SHTN1: variants seen among roughly 807,000 people sequenced by gnomAD.
SHTN1 encodes shootin-1.
SHTN1 carries 42 observed loss-of-function variants against 83.1 expected under a neutral mutation model. That is an observed-to-expected ratio of 0.51 (90% CI 0.39 to 0.65). The LOEUF (loss-of-function observed/expected upper bound fraction) is 0.65, where lower values mean the gene tolerates loss of function less well. Among genes scored for constraint, SHTN1 ranks in the 30% least tolerant of loss-of-function variants. SHTN1 has a pLI of 0.00. For missense variants in SHTN1, 622 were observed against 737.8 expected, an observed-to-expected ratio of 0.84 and a Z score of 1.82; for synonymous variants, 224 against 247.7, an observed-to-expected ratio of 0.90 and a Z score of 0.90.
chr10:116,923,668 G>A (rs1848641900), intron 11 of SHTN1, among the ~76,000 whole-genome samples: 1 of 151,544 alleles, frequency 6.6e-6, no homozygotes, highest in Admixed American at 6.6e-5. Context: ...TGATCTTACT[G>A]CCTCAGCCTT....
intron 4 of SHTN1, among the ~76,000 whole-genome samples, chr10:116,958,400 C>T (rs1002636853): frequency 3.3e-5 from 5 of 152,224 alleles, no homozygotes; most frequent in African/African-American, 1.2e-4. Flanking sequence ...ACTATATGTT[C>T]ATTTTAAAAA....
chr10:116,934,046 G>A (rs1849065647), intron 9 of SHTN1, among the ~76,000 whole-genome samples: 1 of 151,982 alleles, frequency 6.6e-6, no homozygotes, highest in Non-Finnish European at 1.5e-5. Context: ...TAAGTTCCTT[G>A]TAAATTCTGG....
At chr10:116,997,819 G>A (rs895000921) in intron 1 of SHTN1, among the ~76,000 whole-genome samples, 6 of 152,198 alleles carry the variant, frequency 3.9e-5, no homozygotes, top group Admixed American at 1.3e-4. Flanking sequence ...AGGGCCAGGC[G>A]CGATGGCTCA....
intron 1 of SHTN1, among the ~76,000 whole-genome samples, chr10:117,081,352 T>C (rs1161488334): frequency 1.8e-3 from 254 of 142,314 alleles, no homozygotes; most frequent in African/African-American, 6.2e-3. Flanking sequence ...GATTTGCGTA[T>C]ATTGAACCAG....
chr10:116,977,321 G>C (rs1850843438), intron 2 of SHTN1, among the ~76,000 whole-genome samples: 1 of 151,776 alleles, frequency 6.6e-6, no homozygotes, highest in South Asian at 2.1e-4. Flanking sequence ...TTACCTTCTA[G>C]GTTAAGTCAA....
chr10:117,089,058 C>A (rs897973187), intron 1 of SHTN1, among the ~76,000 whole-genome samples: 1 of 152,182 alleles, frequency 6.6e-6, no homozygotes, highest in African/African-American at 2.4e-5. Context: ...TACAGCCCCA[C>A]TAACCCATGG....
intron 11 of SHTN1, among the ~76,000 whole-genome samples, chr10:116,926,456 A>G (rs1043827817): frequency 6.6e-6 from 1 of 152,232 alleles, no homozygotes; most frequent in African/African-American, 2.4e-5. Flanking sequence ...AATTCTTTCA[A>G]TTGACTCTTG....
intron 5 of SHTN1, 75 bp from the exon 6 acceptor site, chr10:116,952,081 G>GA (rs1332598745): frequency 1.5e-6 from 1 of 674,850 alleles, no homozygotes; most frequent in East Asian, 3.2e-5. Context: ...CAAAAGAATT[G>GA]AAAATGCCAG....
Position 116,883,375 on chromosome 10 carries a change from T to TC in SHTN1, c.*2968_*2969insG, listed in dbSNP as rs1200734373. 3 of 152,198 alleles carry TC rather than the reference T, an allele frequency of 2.0e-5. No homozygotes were observed. The highest frequency in any genetic ancestry group is 4.8e-5 in the African/African-American group (2 of 41,462). The allele number at this position is 152,198 out of a possible 1,614,324, so 9.4% of individuals were successfully genotyped here. A position where few individuals can be genotyped will look rare whatever the true frequency, so the allele number is the denominator to read the frequency against. On this transcript the variant is annotated 3_prime_UTR_variant, in exon 17 of 17. Transcript: ENST00000355371. ...ATACCAAATTAAAATGACTGTGGGATAGGGACATGTTAGTGCTTGGAAGAG... is the reference window on the plus strand; with the variant it reads ...ATACCAAATTAAAATGACTGTGGGATCAGGGACATGTTAGTGCTTGGAAGAG...
chr10:117,108,552 T>C (rs1484294477), intron 1 of SHTN1, among the ~76,000 whole-genome samples: 1 of 104,130 alleles, frequency 9.6e-6, no homozygotes, highest in East Asian at 3.3e-4. Flanking sequence ...CACTGGGGCC[T>C]GTCGTGGGGT....
chr10:116,914,832 C>T (rs1848325966), intron 13 of SHTN1, among the ~76,000 whole-genome samples: 1 of 152,152 alleles, frequency 6.6e-6, no homozygotes, highest in South Asian at 2.1e-4. Flanking sequence ...GAGAGTTTTT[C>T]TCCTCGAAGT....
intron 6 of SHTN1, 119 bp from the exon 7 acceptor site, chr10:116,949,116 A>G: frequency 8.8e-7 from 1 of 1,139,460 alleles, no homozygotes; most frequent in Non-Finnish European, 1.2e-6. Flanking sequence ...TTAAAGCAGA[A>G]ATTGGTTTCA....
At position 117,104,539 on chromosome 10, in the gene SHTN1, G is replaced by A. The variant is rs180802685; in HGVS notation, c.-189+21768C>T. Among the ~76,000 whole-genome samples, 747 of 152,276 alleles carry A rather than the reference G, an allele frequency of 4.9e-3. 10 individuals are homozygous for A. Among genetic ancestry groups the A allele is most frequent in the African/African-American group, 0.017 (709 of 41,564 alleles). On this transcript the variant is annotated intron_variant, in intron 1 of 17. Transcript: ENST00000392901. ...TAATCCCAGCACTTTGGGAGGCCGA[G>A]GCAGGCGGATCACGAGGTCAGGAAA...
At chr10:116,925,666 A>G (rs890142333) in intron 11 of SHTN1, among the ~76,000 whole-genome samples, 5 of 152,188 alleles carry the variant, frequency 3.3e-5, no homozygotes, top group Non-Finnish European at 7.3e-5. Context: ...AGCACTTAAT[A>G]GCCTCAACCC....
At chr10:116,994,304 T>C (rs1851550454) in intron 1 of SHTN1, among the ~76,000 whole-genome samples, 2 of 151,904 alleles carry the variant, frequency 1.3e-5, no homozygotes, top group South Asian at 2.1e-4. Flanking sequence ...ATACAGAAAG[T>C]TGAGAAAAGA....
chr10:117,062,597 C>T (rs892970342), intron 1 of SHTN1, among the ~76,000 whole-genome samples: 2 of 152,104 alleles, frequency 1.3e-5, no homozygotes, highest in African/African-American at 4.8e-5. Flanking sequence ...CTCTAAAATG[C>T]ACATAATAAT....
At chr10:116,902,091 G>A in intron 15 of SHTN1, 134 bp from the exon 16 acceptor site, 1 of 743,076 alleles carries the variant, frequency 1.3e-6, no homozygotes, top group Non-Finnish European at 2.1e-6. Flanking sequence ...AGAGCATGCT[G>A]GAAAATGTTG....
chr10:116,939,266 T>C (rs888877699), intron 9 of SHTN1, among the ~76,000 whole-genome samples: 1 of 152,158 alleles, frequency 6.6e-6, no homozygotes, highest in African/African-American at 2.4e-5. Flanking sequence ...CCACCCAGTT[T>C]TGTGCTTGAA....
chr10:117,063,276 A>G (rs1172615392), intron 1 of SHTN1, among the ~76,000 whole-genome samples: 4 of 152,270 alleles, frequency 2.6e-5, no homozygotes, highest in Non-Finnish European at 4.4e-5. Context: ...GAAGAGGAGG[A>G]AAGCCCCCAT....
Sources: allele counts gnomAD v4.1 joint callset (sites outside exome capture counted in the v4.1 genomes callset), GRCh38; gene constraint gnomAD v4.1.1; transcripts MANE v1.5; gene names NCBI Gene and HGNC (gene_info 2026-07-23, HGNC 2026-07-21).